Variants in PLXNA4 observed in about 807,000 individuals in gnomAD.
PLXNA4 encodes plexin A4, also known as plexin-A4.
In PLXNA4, 44 loss-of-function variants were observed where a neutral mutation model predicts 191.8. That is an observed-to-expected ratio of 0.23 (90% CI 0.18 to 0.29). The LOEUF (loss-of-function observed/expected upper bound fraction) is 0.29, where lower values mean the gene tolerates loss of function less well. Among genes scored for constraint, PLXNA4 ranks in the 10% least tolerant of loss-of-function variants. PLXNA4 has a pLI of 1.00. For synonymous variants in PLXNA4, 1,082 were observed against 1,009.5 expected, an observed-to-expected ratio of 1.07 and a Z score of -1.36; for missense variants, 1,800 against 2,488.8, an observed-to-expected ratio of 0.72 and a Z score of 5.89.
At chr7:132,627,491 A>C (rs1803402923) in intron 2 of PLXNA4, among the ~76,000 whole-genome samples, 1 of 152,066 alleles carries the variant, frequency 6.6e-6, no homozygotes, top group Admixed American at 6.6e-5. Flanking sequence ...TTATTTGCTT[A>C]GTTTTTATGT....
At chr7:132,557,532 T>C (rs1045380710) in intron 1 of PLXNA4, among the ~76,000 whole-genome samples, 1 of 53,996 alleles carries the variant, frequency 1.9e-5, no homozygotes, top group African/African-American at 3.8e-5. Flanking sequence ...GAATTTTCCT[T>C]TAATTTATCT....
chr7:132,434,496 A>T (rs1795394288), intron 3 of PLXNA4, among the ~76,000 whole-genome samples: 2 of 152,128 alleles, frequency 1.3e-5, no homozygotes, highest in South Asian at 4.1e-4. Context: ...CAAGACACAA[A>T]CCAGTTTGTG....
At position 132,516,641 on chromosome 7, in the gene PLXNA4, G is replaced by C. The variant is rs77114129; in HGVS notation, c.-86-7862C>G. Among the ~76,000 whole-genome samples the C allele has an allele frequency of 6.9e-3, 1,055 of 152,280 alleles. 6 individuals carry two copies. Among genetic ancestry groups the C allele is most frequent in the African/African-American group, 0.024 (1,007 of 41,546 alleles). On this transcript the variant is annotated intron_variant, in intron 1 of 31. Coordinates refer to ENST00000321063, the MANE Select transcript of PLXNA4 (RefSeq NM_020911.2). ...TGATGAGTTCTGGGCTGGGTGCAAA[G>C]GATAGATACATTCCAGAGCAAAAAA...
rs367818416 is a variant in PLXNA4 at position 132,475,410 on chromosome 7, C to T, written c.1371+13882G>A. Among the ~76,000 whole-genome samples the T allele has an allele frequency of 5.3e-5, 8 of 152,270 alleles. No individual in the cohort carries two copies. In the East Asian group the frequency reaches 7.7e-4, roughly 15 times the overall value. Reference sequence around the variant, plus strand: ...TGAGGACAAAGAAACGGAACCCCCTCTAAGAGAGAAAATGTTAGAGATAGA... The same window carrying T: ...TGAGGACAAAGAAACGGAACCCCCTTTAAGAGAGAAAATGTTAGAGATAGA... On this transcript the variant is annotated intron_variant, in intron 3 of 31. Coordinates refer to ENST00000321063, the MANE Select transcript of PLXNA4 (RefSeq NM_020911.2).
At chr7:132,238,312 T>C (rs1226106029) in intron 5 of PLXNA4, among the ~76,000 whole-genome samples, 1 of 152,160 alleles carries the variant, frequency 6.6e-6, no homozygotes, top group Admixed American at 6.5e-5. Flanking sequence ...ACCCTGTATT[T>C]CTCCTAGGAG....
At chr7:132,280,061 C>T (rs951655649) in intron 4 of PLXNA4, among the ~76,000 whole-genome samples, 5 of 152,140 alleles carry the variant, frequency 3.3e-5, no homozygotes, top group South Asian at 2.1e-4. Context: ...CTATTCTATT[C>T]GACTTTATTC....
chr7:132,400,429 C>T (rs988767762), intron 3 of PLXNA4, among the ~76,000 whole-genome samples: 1 of 152,164 alleles, frequency 6.6e-6, no homozygotes, highest in Non-Finnish European at 1.5e-5. Context: ...GCCAGTCCAT[C>T]TTAGGCCTCA....
In PLXNA4 at chr7:132,516,017, GTGAATGAATGAA is replaced by G. The variant is rs1166388855; in HGVS notation, c.-86-7250_-86-7239del. Among the ~76,000 whole-genome samples, 3 of 152,090 alleles carry G rather than the reference GTGAATGAATGAA, an allele frequency of 2.0e-5. No homozygotes were observed. The South Asian group carries it at 6.2e-4, about 32-fold the overall frequency. ...GTGTATAATAGATGTTTGGAAACAC[GTGAATGAATGAA>G]TGAATGAATGCTCCATAGCAGAGTA... On this transcript the variant is annotated intron_variant, in intron 1 of 31. Transcript: ENST00000321063.
chr7:132,417,533 G>T (rs1290052581), intron 3 of PLXNA4, among the ~76,000 whole-genome samples: 1 of 152,184 alleles, frequency 6.6e-6, no homozygotes, highest in South Asian at 2.1e-4. Flanking sequence ...TGAGGGCAGA[G>T]ATTTTATTTC....
chr7:132,567,328 A>G lies in PLXNA4; in HGVS notation c.-87+9094T>C, dbSNP rs536258574. 2.0e-3 allele frequency among the ~76,000 whole-genome samples: 261 copies of G among 133,642 alleles called. 1 individual carries two copies. Among genetic ancestry groups the G allele is most frequent in the African/African-American group, 7.2e-3 (250 of 34,500 alleles). 87.7% of individuals were successfully genotyped at this position (133,642 alleles called of 152,430 possible). ...CCCCGCCGCAATCTATCAGTGCCAA[A>G]ACCCATAGTGAGTTTTACACAGAGA... On this transcript the variant is annotated intron_variant, in intron 1 of 31. Coordinates refer to ENST00000321063, the MANE Select transcript of PLXNA4 (RefSeq NM_020911.2).
At chr7:132,168,241 C>A in intron 22 of PLXNA4, 63 bp downstream of exon 22, 1 of 1,458,308 alleles carries the variant, frequency 6.9e-7, no homozygotes, top group Non-Finnish European at 9.1e-7. Context: ...AGTCTCCCTG[C>A]AAGGCACGGT....
At chr7:132,509,385 C>G (rs548071103) in intron 1 of PLXNA4, among the ~76,000 whole-genome samples, 14 of 152,330 alleles carry the variant, frequency 9.2e-5, no homozygotes, top group Admixed American at 2.0e-4. Context: ...AAGAGCCACA[C>G]TTTTATGAAT....
At chr7:132,221,866 T>C (rs1393554918) in intron 9 of PLXNA4, among the ~76,000 whole-genome samples, 1 of 152,182 alleles carries the variant, frequency 6.6e-6, no homozygotes, top group African/African-American at 2.4e-5. Context: ...CTTTTTTCTG[T>C]CTGAAACTTG....
At chr7:132,410,305 T>C (rs1367172690) in intron 3 of PLXNA4, among the ~76,000 whole-genome samples, 1 of 151,484 alleles carries the variant, frequency 6.6e-6, no homozygotes, top group Non-Finnish European at 1.5e-5. Context: ...GCACAGTGCC[T>C]TCCATCTGAG....
intron 3 of PLXNA4, among the ~76,000 whole-genome samples, chr7:132,393,180 G>T (rs1357653381): frequency 6.7e-6 from 1 of 149,122 alleles, no homozygotes; most frequent in Non-Finnish European, 1.5e-5. Flanking sequence ...CAGCAACATT[G>T]ACCCCCAACA....
At chr7:132,372,505 G>A (rs2116904440) in intron 3 of PLXNA4, among the ~76,000 whole-genome samples, 1 of 152,270 alleles carries the variant, frequency 6.6e-6, no homozygotes, top group East Asian at 1.9e-4. Flanking sequence ...CCTCCCAGTG[G>A]CATCAGCTCA....
Position 132,123,837 on chromosome 7 carries a change from C to T in PLXNA4, c.*6642G>A, listed in dbSNP as rs1794700263. ...CCGGTTCCTTAAACCACCCTTCCATCCTGTTTCTCCCCTTCTCTAGCATTT... is the reference window on the plus strand; with the variant it reads ...CCGGTTCCTTAAACCACCCTTCCATTCTGTTTCTCCCCTTCTCTAGCATTT... On this transcript the variant is annotated 3_prime_UTR_variant, in exon 32 of 32. Transcript: ENST00000321063. 1 of 152,380 alleles carries T rather than the reference C, an allele frequency of 6.6e-6. No homozygotes were observed. The highest frequency in any genetic ancestry group is 2.1e-4 in the South Asian group (1 of 4,832). The allele number at this position is 152,380 out of a possible 1,614,324, so 9.4% of individuals were successfully genotyped here. A position where few individuals can be genotyped will look rare whatever the true frequency, so the allele number is the denominator to read the frequency against.
Position 132,465,628 on chromosome 7 carries a change from T to C in PLXNA4, c.1371+23664A>G, listed in dbSNP as rs564288524. Among the ~76,000 whole-genome samples the C allele has an allele frequency of 2.0e-5, 3 of 152,312 alleles. No individual in the cohort carries two copies. In the South Asian group the frequency reaches 6.2e-4, roughly 32 times the overall value. On this transcript the variant is annotated intron_variant, in intron 3 of 31. Coordinates refer to ENST00000321063, the MANE Select transcript of PLXNA4 (RefSeq NM_020911.2). ...TACCACACCTAAGTACAAGGAATTT[T>C]CTGTTTCTTGGAAAAAGCCCTTCGT...
chr7:132,172,668 T>G (rs1181736763), intron 21 of PLXNA4, among the ~76,000 whole-genome samples: 18 of 152,176 alleles, frequency 1.2e-4, no homozygotes. Flanking sequence ...AGCCCCCGGC[T>G]AATGCGGGCC....
Sources: gnomAD v4.1 joint callset for allele counts (sites outside exome capture counted in the v4.1 genomes callset) on GRCh38, gnomAD v4.1.1 for gene constraint, MANE v1.5 for transcripts, NCBI Gene and HGNC (gene_info 2026-07-23, HGNC 2026-07-21) for gene names.